COL23A1: variants seen among roughly 807,000 people sequenced by gnomAD.
COL23A1 encodes the protein collagen alpha-1(XXIII) chain.
In COL23A1, 97 loss-of-function variants were observed where a neutral mutation model predicts 99.3. The ratio of observed to expected loss-of-function variants is 0.98; its 90% CI spans 0.83 to 1.16. The LOEUF is 1.16. Ranked by LOEUF, COL23A1 falls within the 50% of genes most tolerant of loss-of-function variation. The pLI is 0.00. For missense variants in COL23A1, 762 were observed against 757.4 expected (o/e 1.01, Z -0.07); for synonymous variants, 320 against 308.2 (o/e 1.04, Z -0.40).
chr5:178,411,294 CTGTTA>C (rs1765042639), intron 2 of COL23A1, among the ~76,000 whole-genome samples: 2 of 152,296 alleles, frequency 1.3e-5, no homozygotes, highest in Non-Finnish European at 2.9e-5. Flanking sequence ...AATTCACTCC[CTGTTA>C]TATACCCCAA....
rs397746374 is a variant in COL23A1, at chr5:178,484,821, CAAA to C, written c.361+75858_361+75860del. 5.5e-3 allele frequency among the ~76,000 whole-genome samples: 496 copies of C among 90,396 alleles called. 2 individuals carry two copies. Among genetic ancestry groups the C allele is most frequent in the Non-Finnish European group, 8.6e-3 (400 of 46,252 alleles). The allele number at this position is 90,396 out of a possible 152,430, so 59.3% of individuals were successfully genotyped here. On this transcript the variant is annotated intron_variant, in intron 2 of 28. Coordinates refer to ENST00000390654, the MANE Select transcript of COL23A1 (RefSeq NM_173465.4). ...TGGGTGAAAGAGCAAGACTCTGTCT[CAAA>C]AAAAAAAAAAAAAAAAAAAGAGCAG...
chr5:178,272,200 G>A (rs986857232), intron 5 of COL23A1, among the ~76,000 whole-genome samples: 1 of 152,200 alleles, frequency 6.6e-6, no homozygotes, highest in African/African-American at 2.4e-5. Context: ...ACAGCCTCCT[G>A]CTCTGGGAAG....
chr5:178,365,541 G>C lies in COL23A1; in HGVS notation c.362-58622C>G, dbSNP rs1221096728. Reference sequence around the variant, plus strand: ...GATCAAGCACAAGCCTCCTTGGCAGGGATGAGGGGTCCTCAGGTCTGGCTG... The same window carrying C: ...GATCAAGCACAAGCCTCCTTGGCAGCGATGAGGGGTCCTCAGGTCTGGCTG... On this transcript the variant is annotated intron_variant, in intron 2 of 28. Coordinates refer to ENST00000390654, the MANE Select transcript of COL23A1 (RefSeq NM_173465.4). This position sits in a 1 kb window ranked among gnomAD's most constrained non-coding sequence, Gnocchi z 5.2. Among the ~76,000 whole-genome samples the C allele has an allele frequency of 6.6e-6, 1 of 152,144 alleles. No individual in the cohort carries two copies. The highest frequency in any genetic ancestry group is 1.5e-5 in the Non-Finnish European group (1 of 68,026).
At chr5:178,399,034 A>G (rs1017878562) in intron 2 of COL23A1, among the ~76,000 whole-genome samples, 1 of 152,242 alleles carries the variant, frequency 6.6e-6, no homozygotes, top group African/African-American at 2.4e-5. Context: ...GTCCCTGTGC[A>G]CGGGCAGAGG....
In COL23A1 at chr5:178,468,522, T is replaced by A. The variant is rs927349581; in HGVS notation, c.361+92160A>T. Among the ~76,000 whole-genome samples the A allele has an allele frequency of 1.3e-5, 2 of 152,058 alleles. No homozygotes were observed. Among genetic ancestry groups the A allele is most frequent in the African/African-American group, 4.8e-5 (2 of 41,388 alleles). On this transcript the variant is annotated intron_variant, in intron 2 of 28. Transcript: ENST00000390654. This position sits in a 1 kb window ranked among gnomAD's most constrained non-coding sequence, Gnocchi z 4.2. ...TTTCATCCTCACCCTGCCTCCCTCA[T>A]CTGCTCACACCCAGGCCTCACCCGG...
At chr5:178,369,769 A>G (rs561548442) in intron 2 of COL23A1, among the ~76,000 whole-genome samples, 4 of 152,184 alleles carry the variant, frequency 2.6e-5, no homozygotes, top group African/African-American at 9.7e-5. Flanking sequence ...GTGGAACTGT[A>G]AGTCCATTAA....
intron 2 of COL23A1, among the ~76,000 whole-genome samples, chr5:178,502,425 C>T (rs1412845183): frequency 1.3e-5 from 2 of 152,240 alleles, no homozygotes; most frequent in Admixed American, 6.5e-5. Context: ...GCCACTGCGC[C>T]CAGCCAACAA....
Position 178,407,409 on chromosome 5 carries a change from A to T in COL23A1, c.362-100490T>A, listed in dbSNP as rs538015097. 4.6e-5 allele frequency among the ~76,000 whole-genome samples: 7 copies of T among 152,324 alleles called. No individual in the cohort carries two copies. In the South Asian group the frequency reaches 1.5e-3, roughly 32 times the overall value. On this transcript the variant is annotated intron_variant, in intron 2 of 28. Coordinates refer to ENST00000390654, the MANE Select transcript of COL23A1 (RefSeq NM_173465.4). The stretch of plus-strand genomic sequence containing the variant: ...AATCCAGAGTCTCATAGCACAATAC[A>T]CAAAATGTCCAGGGTTTAATAAAAG...
intron 1 of COL23A1, among the ~76,000 whole-genome samples, chr5:178,568,605 G>T (rs964998299): frequency 6.6e-6 from 1 of 152,110 alleles, no homozygotes; most frequent in African/African-American, 2.4e-5. Flanking sequence ...CCTAACCCCA[G>T]CTCCTGCAAC....
chr5:178,429,733 A>G (rs1329783732), intron 2 of COL23A1, among the ~76,000 whole-genome samples: 1 of 151,802 alleles, frequency 6.6e-6, no homozygotes, highest in Non-Finnish European at 1.5e-5. Flanking sequence ...ATCTGAGCAC[A>G]TGGCCCTGAC....
rs896976260 is a variant in COL23A1, at chr5:178,365,383, G to C, written c.362-58464C>G. ...CTGCATATGGCCTCAGGCAGCTCAA[G>C]GCTTAGCTTCCCACTGGCCTCCTCC... On this transcript the variant is annotated intron_variant, in intron 2 of 28. Transcript: ENST00000390654. This position sits in a 1 kb window ranked among gnomAD's most constrained non-coding sequence, Gnocchi z 5.2. Among the ~76,000 whole-genome samples the C allele has an allele frequency of 3.3e-5, 5 of 152,076 alleles. No individual in the cohort carries two copies. The highest frequency in any genetic ancestry group is 5.9e-5 in the Non-Finnish European group (4 of 68,006).
At chr5:178,451,314 T>C (rs897370704) in intron 2 of COL23A1, among the ~76,000 whole-genome samples, 13 of 152,116 alleles carry the variant, frequency 8.5e-5, no homozygotes, top group Non-Finnish European at 1.5e-5. Flanking sequence ...CTAGAAATCC[T>C]AAGAGAATAA....
At chr5:178,560,103 G>A (rs1358178430) in intron 2 of COL23A1, among the ~76,000 whole-genome samples, 1 of 152,212 alleles carries the variant, frequency 6.6e-6, no homozygotes, top group Non-Finnish European at 1.5e-5. Context: ...GCCTGGATTT[G>A]AGCCATGTGG....
chr5:178,284,821 G>A (rs1384920705), intron 5 of COL23A1, among the ~76,000 whole-genome samples: 3 of 152,052 alleles, frequency 2.0e-5, no homozygotes, highest in East Asian at 1.9e-4. Flanking sequence ...TGAGACTGAC[G>A]TGCTGCCCAC....
intron 5 of COL23A1, among the ~76,000 whole-genome samples, chr5:178,279,741 G>T (rs932181559): frequency 1.3e-5 from 2 of 152,140 alleles, no homozygotes; most frequent in African/African-American, 4.8e-5. Context: ...GGCCCATCTT[G>T]GGTGCACCCT....
At chr5:178,331,561 CG>C (rs1561868901) in intron 2 of COL23A1, among the ~76,000 whole-genome samples, 1 of 152,322 alleles carries the variant, frequency 6.6e-6, no homozygotes, top group Non-Finnish European at 1.5e-5. Flanking sequence ...CCGCGGCCCT[CG>C]GGGCAGGGTG....
chr5:178,254,741 C>T (rs745809303), intron 16 of COL23A1, among the ~76,000 whole-genome samples: 5 of 152,136 alleles, frequency 3.3e-5, no homozygotes, highest in East Asian at 1.9e-4. Context: ...CTCGGGGCCA[C>T]GTGGGCCACA....
At position 178,507,442 on chromosome 5, in the gene COL23A1, C is replaced by G. The variant is rs192509058; in HGVS notation, c.361+53240G>C. Among the ~76,000 whole-genome samples the G allele has an allele frequency of 2.8e-4, 43 of 152,352 alleles. No individual in the cohort carries two copies. In the East Asian group the frequency reaches 7.9e-3, roughly 28 times the overall value. ...CTCCCCCTCACTGTGAAACCGTTAG[C>G]TGGCCACTTCCCGTGCAAAGCCTCA... is the stretch of plus-strand genomic sequence containing the variant. On this transcript the variant is annotated intron_variant, in intron 2 of 28. Transcript: ENST00000390654.
chr5:178,456,250 T>C (rs984323034), intron 2 of COL23A1, among the ~76,000 whole-genome samples: 1 of 152,246 alleles, frequency 6.6e-6, no homozygotes, highest in African/African-American at 2.4e-5. Flanking sequence ...TAGGCTTCTA[T>C]AATTCCATGG....
Sources: allele counts gnomAD v4.1 joint callset (sites outside exome capture counted in the v4.1 genomes callset), GRCh38; gene constraint gnomAD v4.1.1; non-coding constraint Gnocchi (gnomAD v3.1); transcripts MANE v1.5; gene names NCBI Gene and HGNC (gene_info 2026-07-23, HGNC 2026-07-21).